Variants in PCDHA4 observed in about 807,000 individuals in gnomAD.
PCDHA4 encodes protocadherin alpha 4, also known as protocadherin alpha-4.
In PCDHA4, 49 loss-of-function variants were observed where a neutral mutation model predicts 61.4. That is an observed-to-expected ratio of 0.80 (90% CI 0.63 to 1.01). PCDHA4 has a LOEUF of 1.01. Among genes scored for constraint, PCDHA4 ranks in the 50% least tolerant of loss-of-function variants. The pLI, the probability that PCDHA4 is intolerant of heterozygous loss-of-function variation, is 0.00. For missense variants in PCDHA4, 1,254 were observed against 1,235.8 expected (o/e 1.01, Z -0.22); for synonymous variants, 590 against 550.3 (o/e 1.07, Z -1.01).
rs137875021 is a variant in PCDHA4, at chr5:140,942,837, A to C, written c.2386-36112A>C. Among the ~76,000 whole-genome samples, 666 of 152,296 alleles carry C rather than the reference A, an allele frequency of 4.4e-3. 3 individuals are homozygous for C. Among genetic ancestry groups the C allele is most frequent in the African/African-American group, 0.016 (646 of 41,564 alleles). On this transcript the variant is annotated intron_variant, in intron 1 of 3. Transcript: ENST00000530339. ...TTGGATTTGGCCCTGTGTCAATAAA[A>C]ATTCCAGTAAGATGATTATTTTGCT...
At chr5:140,928,160 C>G (rs782224079) in intron 1 of PCDHA4, 1 of 1,614,096 alleles carries the variant, frequency 6.2e-7, no homozygotes, top group Non-Finnish European at 8.5e-7. Flanking sequence ...AGTGGCTCAC[C>G]CCCACTTAGC....
At chr5:140,841,243 T>G in intron 1 of PCDHA4, 1 of 1,494,736 alleles carries the variant, frequency 6.7e-7, no homozygotes, top group Non-Finnish European at 9.0e-7. Flanking sequence ...GCAGCGGAAT[T>G]GGATTAAAAG....
chr5:140,876,349 T>G lies in PCDHA4; in HGVS notation c.2385+66777T>G, dbSNP rs781967314. On this transcript the variant is annotated intron_variant, in intron 1 of 3. Transcript: ENST00000530339. ...TTTGCCAGTGAGTGAGAAATGTATG[T>G]TTTCAATAAATCCAGACACAGGTGA... The G allele has an allele frequency of 3.2e-5, 52 of 1,613,894 alleles. No homozygotes were observed. In the South Asian group the frequency reaches 5.1e-4, roughly 16 times the overall value.
At chr5:140,997,264 A>G (rs1554255813) in intron 3 of PCDHA4, among the ~76,000 whole-genome samples, 3 of 152,154 alleles carry the variant, frequency 2.0e-5, no homozygotes. Context: ...CACTCTTCCA[A>G]ATATTTCTTG....
chr5:140,938,500 T>C (rs1450018538), intron 1 of PCDHA4, among the ~76,000 whole-genome samples: 2 of 152,156 alleles, frequency 1.3e-5, no homozygotes, highest in Non-Finnish European at 2.9e-5. Context: ...AGGCATTGAA[T>C]TTATCACATA....
chr5:140,939,903 CT>C (rs1485545948), intron 1 of PCDHA4, among the ~76,000 whole-genome samples: 1 of 152,046 alleles, frequency 6.6e-6, no homozygotes, highest in Non-Finnish European at 1.5e-5. Context: ...ATTCTGCATT[CT>C]TTTTTATTCT....
At chr5:140,876,762 G>T in intron 1 of PCDHA4, 1 of 1,614,252 alleles carries the variant, frequency 6.2e-7, no homozygotes, top group South Asian at 1.1e-5. Flanking sequence ...CGCGGGATGG[G>T]GGCTCGCCTT....
At chr5:140,943,386 A>G (rs1245126281) in intron 1 of PCDHA4, among the ~76,000 whole-genome samples, 2 of 152,154 alleles carry the variant, frequency 1.3e-5, no homozygotes, top group African/African-American at 4.8e-5. Flanking sequence ...CAGGTAAGAA[A>G]TTATGGATAT....
chr5:140,933,137 A>C (rs1378585369), intron 1 of PCDHA4, among the ~76,000 whole-genome samples: 1 of 151,994 alleles, frequency 6.6e-6, no homozygotes, highest in African/African-American at 2.4e-5. Context: ...ATAAAGGTAG[A>C]TAGCCACTCA....
intron 1 of PCDHA4, chr5:140,869,391 C>T: frequency 6.2e-7 from 1 of 1,614,138 alleles, no homozygotes; most frequent in Non-Finnish European, 8.5e-7. Flanking sequence ...AGGAGCTGTG[C>T]GGGCAGAGCG....
At chr5:141,003,616 G>A (rs1360535833) in intron 3 of PCDHA4, among the ~76,000 whole-genome samples, 1 of 152,132 alleles carries the variant, frequency 6.6e-6, no homozygotes, top group African/African-American at 2.4e-5. Flanking sequence ...CCCGGCCCCA[G>A]AGGGCAGTTT....
rs2150419766 is a variant in PCDHA4, at chr5:140,848,766, G to C, written c.2385+39194G>C. On this transcript the variant is annotated intron_variant, in intron 1 of 3. Coordinates refer to ENST00000530339, the MANE Select transcript of PCDHA4 (RefSeq NM_018907.4). The stretch of plus-strand genomic sequence containing the variant: ...CATTTTGTTTGTGAATTCTCGGATC[G>C]ACCGCGAGGAGCTGTGCGGGCGGAG... The C allele has an allele frequency of 6.3e-7, 1 of 1,593,418 alleles. No individual in the cohort carries two copies. The highest frequency in any genetic ancestry group is 8.6e-7 in the Non-Finnish European group (1 of 1,164,090).
At position 140,998,145 on chromosome 5, in the gene PCDHA4, A is replaced by G. The variant is rs115385085; in HGVS notation, c.2534-11482A>G. ...GAATCATAATAGCTAACCTGTACTG[A>G]ACAGTTAAGCCATGTGCCAAGTATT... On this transcript the variant is annotated intron_variant, in intron 3 of 3. Transcript: ENST00000530339. 2.1e-3 allele frequency among the ~76,000 whole-genome samples: 325 copies of G among 152,342 alleles called. 2 individuals carry two copies. Among genetic ancestry groups the G allele is most frequent in the African/African-American group, 7.1e-3 (294 of 41,566 alleles).
intron 1 of PCDHA4, chr5:140,854,476 A>G (rs1156843367): frequency 6.7e-6 from 1 of 150,032 alleles, no homozygotes. Flanking sequence ...GTAGAGAAGT[A>G]TAGAAACAGA....
rs2150347942 is a variant in PCDHA4 at position 140,842,929 on chromosome 5, C to G, written c.2385+33357C>G. On this transcript the variant is annotated intron_variant, in intron 1 of 3. Coordinates refer to ENST00000530339, the MANE Select transcript of PCDHA4 (RefSeq NM_018907.4). ...TAGAGCTGCTGCAGTTCCAGGTGAG[C>G]GCGCGCGACGCGGGCGTGCCGCCTC... is the stretch of plus-strand genomic sequence containing the variant. The G allele has an allele frequency of 1.2e-5, 19 of 1,594,384 alleles. No individual in the cohort carries two copies. The East Asian group carries it at 3.8e-4, about 32-fold the overall frequency.
At chr5:140,887,236 AC>A (rs1394086851) in intron 1 of PCDHA4, among the ~76,000 whole-genome samples, 1 of 151,804 alleles carries the variant, frequency 6.6e-6, no homozygotes, top group Non-Finnish European at 1.5e-5. Flanking sequence ...AGCTGAGACT[AC>A]CGGCGCCCGC....
At chr5:141,008,108 T>C (rs2098361480) in intron 3 of PCDHA4, among the ~76,000 whole-genome samples, 1 of 152,138 alleles carries the variant, frequency 6.6e-6, no homozygotes, top group Non-Finnish European at 1.5e-5. Flanking sequence ...CTCATGAGAA[T>C]AAGTGTTTCA....
At chr5:140,947,153 C>T (rs1306730368) in intron 1 of PCDHA4, among the ~76,000 whole-genome samples, 4 of 150,836 alleles carry the variant, frequency 2.7e-5, no homozygotes, top group African/African-American at 4.9e-5. Context: ...GTTACTTCCA[C>T]GGGGTAGAAA....
At chr5:140,850,197 C>T (rs2150472731) in intron 1 of PCDHA4, 3 of 1,593,590 alleles carry the variant, frequency 1.9e-6, no homozygotes, top group Admixed American at 1.7e-5. Flanking sequence ...GCTGCTGACA[C>T]CTCGGATGAG....
Sources: allele counts gnomAD v4.1 joint callset (sites outside exome capture counted in the v4.1 genomes callset), GRCh38; gene constraint gnomAD v4.1.1; transcripts MANE v1.5; gene names NCBI Gene and HGNC (gene_info 2026-07-23, HGNC 2026-07-21).